Variants in KIF5B observed in about 807,000 individuals in gnomAD.
The protein encoded by KIF5B is kinesin family member 5B.
Under a neutral mutation model 132.8 loss-of-function variants are expected in KIF5B, and 49 were observed. That is an observed-to-expected ratio of 0.37 (90% CI 0.29 to 0.47). The LOEUF (loss-of-function observed/expected upper bound fraction) is 0.47. Ranked by LOEUF, KIF5B falls within the 20% of genes least tolerant of loss-of-function variation. The probability of loss-of-function intolerance (pLI) is 1.00; values close to 1 mark genes in which losing one functional copy is unlikely to be tolerated. For synonymous variants in KIF5B, 355 were observed against 369.4 expected (o/e 0.96, Z 0.45); for missense variants, 780 against 1,144.0 (o/e 0.68, Z 4.59).
At chr10:32,046,299 G>A (rs906783591) in intron 2 of KIF5B, among the ~76,000 whole-genome samples, 1 of 152,178 alleles carries the variant, frequency 6.6e-6, no homozygotes, top group African/African-American at 2.4e-5. Flanking sequence ...CTCAATCAAA[G>A]AATGTAGTAA....
intron 23 of KIF5B, 89 bp from the exon 24 acceptor site, chr10:32,017,448 T>C: frequency 5.3e-6 from 5 of 950,922 alleles, no homozygotes; most frequent in Non-Finnish European, 4.8e-6. Context: ...TTTAGAAAAG[T>C]AAAACTGCAT....
intron 13 of KIF5B, 63 bp from the exon 14 acceptor site, chr10:32,031,342 A>G: frequency 1.6e-6 from 2 of 1,254,356 alleles, no homozygotes; most frequent in South Asian, 1.3e-5. Flanking sequence ...ACACCCATGA[A>G]GCTTCACCAT....
In KIF5B at chr10:32,010,786, A is replaced by C. The variant is rs993797944; in HGVS notation, c.*751T>G. The stretch of plus-strand genomic sequence containing the variant: ...TAATTCCTTTTCCAAACTCCCTTAA[A>C]CTAAGATCTGCTTTTGATACTTTAA... On this transcript the variant is annotated 3_prime_UTR_variant, in exon 26 of 26. Coordinates refer to ENST00000302418, the MANE Select transcript of KIF5B (RefSeq NM_004521.3). 6.6e-6 allele frequency: 1 copy of C among 152,144 alleles called. No homozygotes were observed. The allele number at this position is 152,144 out of a possible 1,614,324, so 9.4% of individuals were successfully genotyped here.
At chr10:32,017,422 C>CA in intron 23 of KIF5B, 63 bp from the exon 24 acceptor site, 1 of 1,280,778 alleles carries the variant, frequency 7.8e-7, no homozygotes. Context: ...AAAGTATGAG[C>CA]ATTTCATAAT....
At chr10:32,055,679 G>T (rs1455549962) in intron 1 of KIF5B, among the ~76,000 whole-genome samples, 169 bp downstream of exon 1, 1 of 152,176 alleles carries the variant, frequency 6.6e-6, no homozygotes, top group Non-Finnish European at 1.5e-5. Flanking sequence ...GAACGCACGC[G>T]AGGCTGCGCA....
intron 2 of KIF5B, among the ~76,000 whole-genome samples, chr10:32,046,472 A>T (rs966193670): frequency 3.3e-5 from 5 of 152,206 alleles, no homozygotes; most frequent in Admixed American, 1.3e-4. Flanking sequence ...CAATACCATT[A>T]CTGTTGTAAT....
chr10:32,056,063 G>C lies in KIF5B; in HGVS notation c.-90C>G, dbSNP rs1841759157. On this transcript the variant is annotated 5_prime_UTR_variant, in exon 1 of 26. Transcript: ENST00000302418. ...GCCGGACCTGAGGGCTTGTGGTCGC[G>C]AGGGCCGTGAGAGGCAGCAGTCAGC... 1.3e-6 allele frequency: 2 copies of C among 1,493,304 alleles called. No homozygotes were observed. Among genetic ancestry groups the C allele is most frequent in the Middle Eastern group, 2.4e-4 (1 of 4,180 alleles). The allele number at this position is 1,493,304 out of a possible 1,614,324, so 92.5% of individuals were successfully genotyped here.
intron 1 of KIF5B, among the ~76,000 whole-genome samples, chr10:32,051,263 TG>T (rs1442847731): frequency 1.3e-5 from 2 of 152,258 alleles, no homozygotes; most frequent in Admixed American, 6.5e-5. Flanking sequence ...TTTGCCATGT[TG>T]GCCAGGCTGG....
intron 24 of KIF5B, among the ~76,000 whole-genome samples, chr10:32,016,562 G>A (rs72775187): frequency 0.1 from 15,163 of 152,052 alleles, 850 homozygotes; most frequent in Middle Eastern, 0.14. Flanking sequence ...AGTCTCGCTC[G>A]TCACCCAGGC....
chr10:32,020,931 T>C, intron 19 of KIF5B, 91 bp downstream of exon 19: 1 of 611,810 alleles, frequency 1.6e-6, no homozygotes, highest in Non-Finnish European at 2.8e-6. Context: ...AAATGTAATT[T>C]TGATGAAAAC....
At chr10:32,030,526 A>G (rs1251046973) in intron 14 of KIF5B, among the ~76,000 whole-genome samples, 1 of 152,084 alleles carries the variant, frequency 6.6e-6, no homozygotes, top group African/African-American at 2.4e-5. Context: ...AAAAAAAAAA[A>G]AAAAAATCTC....
At chr10:32,022,032 C>A (rs1841270694) in intron 17 of KIF5B, 108 bp downstream of exon 17, 4 of 626,064 alleles carry the variant, frequency 6.4e-6, no homozygotes, top group South Asian at 2.3e-5. Flanking sequence ...GTTTACCATT[C>A]GAAATCAGCC....
At position 32,038,511 on chromosome 10, in the gene KIF5B, T is replaced by C. The variant is rs369276725; in HGVS notation, c.442+267A>G. On this transcript the variant is annotated intron_variant, in intron 5 of 25. Transcript: ENST00000302418. ...TAAGGACAATGTATCTAATTGACAG[T>C]TGACAGAAGACTAGAACTCAGGGCT... Among the ~76,000 whole-genome samples, 93 of 152,320 alleles carry C rather than the reference T, an allele frequency of 6.1e-4. 2 individuals are homozygous for C. The highest frequency in any genetic ancestry group is 5.2e-3 in the East Asian group (27 of 5,184).
intron 17 of KIF5B, among the ~76,000 whole-genome samples, chr10:32,021,766 A>T (rs1470042688): frequency 1.3e-5 from 2 of 152,166 alleles, no homozygotes; most frequent in East Asian, 3.9e-4. Flanking sequence ...AGGTCAGGAG[A>T]TCAAGACCAT....
chr10:32,024,536 G>A (rs1841309599), intron 15 of KIF5B, among the ~76,000 whole-genome samples: 1 of 151,536 alleles, frequency 6.6e-6, no homozygotes, highest in Non-Finnish European at 1.5e-5. Flanking sequence ...GGCTGACGCG[G>A]GCAGATCACC....
At position 32,056,136 on chromosome 10, in the gene KIF5B, C is replaced by G; in HGVS notation, c.-163G>C. 1.3e-6 allele frequency: 1 copy of G among 752,000 alleles called. No individual in the cohort carries two copies. Among genetic ancestry groups the G allele is most frequent in the Non-Finnish European group, 2.1e-6 (1 of 485,386 alleles). The allele number at this position is 752,000 out of a possible 1,614,324, so 46.6% of individuals were successfully genotyped here. The stretch of plus-strand genomic sequence containing the variant: ...GGTGGAGGCGGCCGGGGAGCCGGGA[C>G]TTGAAGAGCCGGCGCCGGCAGCCGT... On this transcript the variant is annotated 5_prime_UTR_variant, in exon 1 of 26. Coordinates refer to ENST00000302418, the MANE Select transcript of KIF5B (RefSeq NM_004521.3).
chr10:32,039,510 T>TA, intron 3 of KIF5B, 79 bp from the exon 4 acceptor site: 2 of 708,492 alleles, frequency 2.8e-6, no homozygotes, highest in South Asian at 3.5e-5. Context: ...ATCTACAACT[T>TA]ATAGTCAAGA....
intron 8 of KIF5B, among the ~76,000 whole-genome samples, chr10:32,036,642 A>G (rs1027025320): frequency 1.3e-5 from 2 of 152,246 alleles, no homozygotes; most frequent in Non-Finnish European, 2.9e-5. Context: ...CTGAAGAAAT[A>G]GCTTAGGAGA....
chr10:32,033,952 T>C lies in KIF5B; in HGVS notation c.1198A>G (p.Asn400Asp). The C allele has an allele frequency of 6.2e-7, 1 of 1,612,446 alleles. No homozygotes were observed. The highest frequency in any genetic ancestry group is 1.7e-5 in the Admixed American group (1 of 60,000). Residue 400 changes from asparagine (N) to aspartate (D), a missense_variant, in exon 12 of 26, where the codon AAT becomes GAT. Transcript: ENST00000302418. ...FTVDKDITLTNDKPATAIGVI... is the reference protein window; with the variant it reads ...FTVDKDITLTDDKPATAIGVI... ...CCAATTGCGGTTGCTGGTTTATCAT[T>C]GGTAAGAGTAATATCTTTATCCACT...
Sources: allele counts gnomAD v4.1 joint callset (sites outside exome capture counted in the v4.1 genomes callset), GRCh38; gene constraint gnomAD v4.1.1; transcripts MANE v1.5; gene names NCBI Gene and HGNC (gene_info 2026-07-23, HGNC 2026-07-21).